PDE4D: variants seen among roughly 807,000 people sequenced by gnomAD.
PDE4D encodes 3',5'-cyclic-AMP phosphodiesterase 4D.
Under a neutral mutation model 87.4 loss-of-function variants are expected in PDE4D, and 24 were observed. The observed-to-expected ratio is 0.27, with a 90% CI of 0.20 to 0.39. PDE4D has a LOEUF of 0.39. PDE4D is among the 10% of genes least tolerant of loss of function. PDE4D has a pLI of 1.00. For missense variants in PDE4D, 714 were observed against 1,041.0 expected, an observed-to-expected ratio of 0.69 and a Z score of 4.32; for synonymous variants, 384 against 383.2, an observed-to-expected ratio of 1.00 and a Z score of -0.02.
At chr5:59,703,587 C>G (rs1752926652) in intron 1 of PDE4D, 2 of 534,280 alleles carry the variant, frequency 3.7e-6, no homozygotes, top group Admixed American at 1.9e-5. Context: ...TTCTTTGTCC[C>G]CAGCCGACTT....
Position 60,088,132 on chromosome 5 carries a change from GCTAAGAATACTATACCCAGGAAAA to G in PDE4D, c.42+97401_42+97424del, listed in dbSNP as rs145889253. Among the ~76,000 whole-genome samples, 574 of 152,006 alleles carry G rather than the reference GCTAAGAATACTATACCCAGGAAAA, an allele frequency of 3.8e-3. 5 individuals are homozygous for G. Among genetic ancestry groups the G allele is most frequent in the African/African-American group, 0.013 (542 of 41,532 alleles). On this transcript the variant is annotated intron_variant, in intron 2 of 16. Transcript: ENST00000502484. ...TGAAGGAAACAAATACAAAAAGCCA[GCTAAGAATACTATACCCAGGAAAA>G]CTATCCTTTAAACAGGAAAAAGAGA...
chr5:59,878,755 G>A (rs1043253124), intron 1 of PDE4D, among the ~76,000 whole-genome samples: 3 of 151,968 alleles, frequency 2.0e-5, no homozygotes, highest in Non-Finnish European at 2.9e-5. Context: ...TTACTGCCAT[G>A]TCCATCCTTT....
intron 1 of PDE4D, among the ~76,000 whole-genome samples, chr5:59,554,698 G>A (rs530942210): frequency 1.6e-3 from 236 of 152,174 alleles, no homozygotes; most frequent in African/African-American, 5.1e-3. Flanking sequence ...TGAATGGAAA[G>A]TTAACCATGA....
At chr5:59,477,708 C>A (rs1249362136) in intron 1 of PDE4D, among the ~76,000 whole-genome samples, 2 of 151,940 alleles carry the variant, frequency 1.3e-5, no homozygotes, top group East Asian at 1.9e-4. Flanking sequence ...GGTATATGCC[C>A]AAAGAATACA....
rs189128202 is a variant in PDE4D, at chr5:59,915,254, C to A, written c.272+73234G>T. ...TCAGTCAATGGATGACCAGCTAGGG[C>A]AGAATGGAACAGTCTGAGGATTGAA... On this transcript the variant is annotated intron_variant, in intron 3 of 16. Transcript: ENST00000502484. Among the ~76,000 whole-genome samples, 10 of 152,122 alleles carry A rather than the reference C, an allele frequency of 6.6e-5. 1 individual carries two copies. Among genetic ancestry groups the A allele is most frequent in the Admixed American group, 5.9e-4 (9 of 15,272 alleles).
chr5:58,995,591 G>T (rs941858630), intron 6 of PDE4D, among the ~76,000 whole-genome samples: 1 of 152,110 alleles, frequency 6.6e-6, no homozygotes, highest in South Asian at 2.1e-4. Flanking sequence ...CATAGTAGAT[G>T]CTCAATATTA....
chr5:59,405,066 G>A (rs1477216227), intron 1 of PDE4D, among the ~76,000 whole-genome samples: 1 of 145,498 alleles, frequency 6.9e-6, no homozygotes, highest in East Asian at 2.0e-4. Context: ...AGTATTCTGG[G>A]TCTTTTGTGG....
intron 2 of PDE4D, among the ~76,000 whole-genome samples, chr5:59,996,971 A>G (rs1328674831): frequency 1.3e-5 from 2 of 152,160 alleles, no homozygotes; most frequent in Non-Finnish European, 2.9e-5. Context: ...CCAATTTCCT[A>G]TAACTCAGTC....
intron 1 of PDE4D, chr5:59,275,578 T>C (rs1407526273): frequency 8.6e-6 from 12 of 1,388,356 alleles, no homozygotes; most frequent in African/African-American, 1.5e-5. Flanking sequence ...GGCAAGGTTC[T>C]AACACGCAGG....
At chr5:59,595,158 C>G (rs900781626) in intron 1 of PDE4D, among the ~76,000 whole-genome samples, 3 of 152,126 alleles carry the variant, frequency 2.0e-5, no homozygotes, top group Admixed American at 6.5e-5. Context: ...TTTGTAATGT[C>G]AATAGATTCC....
At chr5:59,657,859 TACAA>T (rs1179337278) in intron 1 of PDE4D, among the ~76,000 whole-genome samples, 4 of 152,202 alleles carry the variant, frequency 2.6e-5, no homozygotes, top group African/African-American at 4.8e-5. Flanking sequence ...ACTTTTATTG[TACAA>T]ACACTGTTTA....
intron 1 of PDE4D, among the ~76,000 whole-genome samples, chr5:60,408,686 C>T (rs1449583896): frequency 3.3e-5 from 5 of 152,114 alleles, no homozygotes; most frequent in East Asian, 1.9e-4. Flanking sequence ...GAAAGAAATA[C>T]GAGCATGATG....
At position 59,681,532 on chromosome 5, in the gene PDE4D, T is replaced by C. The variant is rs141328357; in HGVS notation, c.455+211636A>G. Among the ~76,000 whole-genome samples the C allele has an allele frequency of 3.0e-3, 455 of 152,262 alleles. 2 individuals carry two copies. Among genetic ancestry groups the C allele is most frequent in the African/African-American group, 0.01 (424 of 41,562 alleles). ...GTTAAGAGTTGGGACATTTAAGAGA[T>C]GATTAGATCATGAGAGCATTCCCTT... On this transcript the variant is annotated intron_variant, in intron 1 of 14. Transcript: ENST00000340635.
At chr5:59,230,770 G>A (rs915949863) in intron 1 of PDE4D, among the ~76,000 whole-genome samples, 2 of 152,160 alleles carry the variant, frequency 1.3e-5, no homozygotes, top group Non-Finnish European at 2.9e-5. Context: ...TTTTGGAGAA[G>A]TGATATTATT....
chr5:60,140,569 G>T (rs1780439123), intron 2 of PDE4D, among the ~76,000 whole-genome samples: 1 of 149,464 alleles, frequency 6.7e-6, no homozygotes, highest in Non-Finnish European at 1.5e-5. Context: ...AAAAAAGAAA[G>T]AAATTGTATC....
intron 2 of PDE4D, among the ~76,000 whole-genome samples, chr5:60,080,678 A>G (rs1053411174): frequency 6.6e-6 from 1 of 152,192 alleles, no homozygotes. Context: ...GTCATGGATT[A>G]CATGTATTGA....
At chr5:59,523,049 G>C (rs921109486) in intron 1 of PDE4D, among the ~76,000 whole-genome samples, 2 of 152,126 alleles carry the variant, frequency 1.3e-5, no homozygotes, top group African/African-American at 4.8e-5. Flanking sequence ...CTAAATTGGG[G>C]TGGTTGGCTT....
intron 5 of PDE4D, among the ~76,000 whole-genome samples, chr5:59,165,721 G>A (rs1439222688): frequency 6.6e-6 from 1 of 152,192 alleles, no homozygotes; most frequent in African/African-American, 2.4e-5. Context: ...CGTAGTGCTA[G>A]AATATGAACC....
At chr5:59,418,133 G>A (rs1793919428) in intron 1 of PDE4D, among the ~76,000 whole-genome samples, 1 of 152,054 alleles carries the variant, frequency 6.6e-6, no homozygotes, top group Admixed American at 6.6e-5. Context: ...GTATTCCAAG[G>A]TGTGTCTTCA....
Sources: allele counts gnomAD v4.1 joint callset (sites outside exome capture counted in the v4.1 genomes callset), GRCh38; gene constraint gnomAD v4.1.1; transcripts MANE v1.5; gene names NCBI Gene and HGNC (gene_info 2026-07-23, HGNC 2026-07-21).